BEND7: variants seen among roughly 807,000 people sequenced by gnomAD.
BEND7 encodes the protein BEN domain containing 7, also known as BEN domain-containing protein 7.
BEND7 carries 28 observed loss-of-function variants against 50.9 expected under a neutral mutation model. That is an observed-to-expected ratio of 0.55 (90% CI 0.41 to 0.75). The LOEUF (loss-of-function observed/expected upper bound fraction) is 0.75, where lower values mean the gene tolerates loss of function less well. Among genes scored for constraint, BEND7 ranks in the 30% least tolerant of loss-of-function variants. The pLI is 0.00. For synonymous variants in BEND7, 170 were observed against 183.9 expected (o/e 0.92, Z 0.61); for missense variants, 477 against 491.3 (o/e 0.97, Z 0.28).
intron 2 of BEND7, among the ~76,000 whole-genome samples, chr10:13,501,236 T>C (rs1279442053): frequency 6.6e-6 from 1 of 151,704 alleles, no homozygotes; most frequent in Non-Finnish European, 1.5e-5. Flanking sequence ...TAGCCAGGCG[T>C]GGTGGCACAT....
chr10:13,488,671 T>C (rs7918951), intron 5 of BEND7, among the ~76,000 whole-genome samples: 114,717 of 151,966 alleles, frequency 0.75, 43,984 homozygotes, highest in East Asian at 0.82. Flanking sequence ...TTATTTTCAG[T>C]AGAGACGGGG....
At chr10:13,453,939 A>C (rs1838345176) in intron 6 of BEND7, among the ~76,000 whole-genome samples, 1 of 152,240 alleles carries the variant, frequency 6.6e-6, no homozygotes, top group South Asian at 2.1e-4. Flanking sequence ...TTTGAAAGAG[A>C]AAAGCGGCTA....
chr10:13,485,894 T>G (rs1246744669), intron 5 of BEND7, among the ~76,000 whole-genome samples: 1 of 152,194 alleles, frequency 6.6e-6, no homozygotes, highest in Non-Finnish European at 1.5e-5. Flanking sequence ...TTATTTTTAT[T>G]TTTTAGAGAC....
chr10:13,445,187 T>G (rs1384252471), intron 8 of BEND7: 1 of 152,222 alleles, frequency 6.6e-6, no homozygotes, highest in African/African-American at 2.4e-5. Context: ...ATCAAATATC[T>G]ATCAATAGTT....
At chr10:13,488,050 C>T (rs769562183) in intron 5 of BEND7, among the ~76,000 whole-genome samples, 19 of 143,978 alleles carry the variant, frequency 1.3e-4, no homozygotes, top group Non-Finnish European at 2.4e-4. Context: ...CACTGCACTC[C>T]AGCCTGGACG....
rs1020379335 is a variant in BEND7, at chr10:13,480,774, T to G, written c.1063+125A>C. 2.7e-6 allele frequency: 4 copies of G among 1,503,182 alleles called. No homozygotes were observed. In the African/African-American group the frequency reaches 5.6e-5, roughly 21 times the overall value. The allele number at this position is 1,503,182 out of a possible 1,614,324, so 93.1% of individuals were successfully genotyped here. Reference sequence around the variant, plus strand: ...AGCTCACACCCGAAAGCCATGTGAATGGCTAAATTGGCAATGGCAAATGAA... The same window carrying G: ...AGCTCACACCCGAAAGCCATGTGAAGGGCTAAATTGGCAATGGCAAATGAA... On this transcript the variant is annotated intron_variant, in intron 6 of 8. Transcript: ENST00000466271.
intron 1 of BEND7, among the ~76,000 whole-genome samples, chr10:13,527,452 T>C (rs2079510535): frequency 6.6e-6 from 1 of 152,230 alleles, no homozygotes; most frequent in Admixed American, 6.5e-5. Flanking sequence ...CCACGATTTT[T>C]TCACTAATTT....
At chr10:13,453,029 T>A (rs188640540) in intron 6 of BEND7, among the ~76,000 whole-genome samples, 4 of 152,338 alleles carry the variant, frequency 2.6e-5, no homozygotes, top group Non-Finnish European at 4.4e-5. Context: ...CACTTTTTTG[T>A]TGTCAATTCA....
At chr10:13,498,383 C>G (rs2077191503) in intron 3 of BEND7, among the ~76,000 whole-genome samples, 1 of 152,096 alleles carries the variant, frequency 6.6e-6, no homozygotes, top group Non-Finnish European at 1.5e-5. Context: ...AGCCATATTT[C>G]TATTGAAAAC....
At chr10:13,502,898 C>T (rs947404945) in intron 2 of BEND7, 167 of 985,582 alleles carry the variant, frequency 1.7e-4, no homozygotes, top group Non-Finnish European at 2.0e-4. Context: ...CTTCTCTACA[C>T]TAACTGACAC....
intron 6 of BEND7, among the ~76,000 whole-genome samples, chr10:13,466,338 G>C (rs1486628736): frequency 1.3e-5 from 2 of 151,992 alleles, no homozygotes; most frequent in Non-Finnish European, 2.9e-5. Flanking sequence ...GAGGTGGGCG[G>C]ATCACCTGGT....
At chr10:13,471,187 ATG>A (rs2074788476) in intron 6 of BEND7, among the ~76,000 whole-genome samples, 1 of 152,218 alleles carries the variant, frequency 6.6e-6, no homozygotes, top group African/African-American at 2.4e-5. Context: ...CATCGCTGAC[ATG>A]TCTTACTAGA....
intron 6 of BEND7, chr10:13,480,564 C>G: frequency 4.7e-6 from 4 of 852,614 alleles, no homozygotes; most frequent in Non-Finnish European, 5.6e-6. Context: ...ATAACTCAAA[C>G]TTTAAGTTGA....
intron 8 of BEND7, chr10:13,446,363 A>C (rs908229290): frequency 1.3e-5 from 2 of 152,230 alleles, no homozygotes; most frequent in African/African-American, 4.8e-5. Flanking sequence ...GGCCTAGTCA[A>C]GTTCCTACAC....
At position 13,502,961 on chromosome 10, in the gene BEND7, G is replaced by A. The variant is rs79600381; in HGVS notation, c.146-2881C>T. 192 of 982,014 alleles carry A rather than the reference G, an allele frequency of 2.0e-4. No individual in the cohort carries two copies. The African/African-American group carries it at 3.2e-3, about 16-fold the overall frequency. The allele number at this position is 982,014 out of a possible 1,614,324, so 60.8% of individuals were successfully genotyped here. A position where few individuals can be genotyped will look rare whatever the true frequency, so the allele number is the denominator to read the frequency against. On this transcript the variant is annotated intron_variant, in intron 2 of 8. Coordinates refer to ENST00000466271, the MANE Select transcript of BEND7 (RefSeq NM_001369863.1). Reference sequence around the variant, plus strand: ...CCAAAGGTCCTGCCTCTGCTCTGTAGATATAATGCTAGGATAGATACAGTG... The same window carrying A: ...CCAAAGGTCCTGCCTCTGCTCTGTAAATATAATGCTAGGATAGATACAGTG...
intron 6 of BEND7, among the ~76,000 whole-genome samples, chr10:13,468,432 C>T (rs1564286053): frequency 2.0e-5 from 3 of 151,984 alleles, no homozygotes; most frequent in Admixed American, 6.6e-5. Flanking sequence ...CTGGCTCACC[C>T]GGGAGGAAGC....
chr10:13,523,413 T>G (rs541959746), intron 2 of BEND7, among the ~76,000 whole-genome samples: 16 of 152,376 alleles, frequency 1.1e-4, no homozygotes, highest in African/African-American at 3.6e-4. Flanking sequence ...GAGGTAGACT[T>G]GATGTGGGAA....
chr10:13,528,544 A>T lies in BEND7; in HGVS notation c.-11T>A. The T allele has an allele frequency of 9.8e-7, 1 of 1,022,120 alleles. No homozygotes were observed. Among genetic ancestry groups the T allele is most frequent in the Non-Finnish European group, 1.2e-6 (1 of 854,826 alleles). 63.3% of individuals were successfully genotyped at this position (1,022,120 alleles called of 1,614,324 possible). On this transcript the variant is annotated 5_prime_UTR_variant, in exon 1 of 9. Transcript: ENST00000466271. The stretch of plus-strand genomic sequence containing the variant: ...CTCGGAGAACTCCATGGTGCGGGGA[A>T]GGCGGCGGCGGGGGCTGAGGAGGCG...
chr10:13,490,496 T>C (rs2076573533), intron 5 of BEND7, among the ~76,000 whole-genome samples: 4 of 152,226 alleles, frequency 2.6e-5, no homozygotes, highest in Admixed American at 6.5e-5. Context: ...TGTCTCTCCA[T>C]GCTCTCCTCT....
Sources: gnomAD v4.1 joint callset for allele counts (sites outside exome capture counted in the v4.1 genomes callset) on GRCh38, gnomAD v4.1.1 for gene constraint, MANE v1.5 for transcripts, NCBI Gene and HGNC (gene_info 2026-07-23, HGNC 2026-07-21) for gene names.